Variants in AFF2 observed in about 807,000 individuals in gnomAD.
AFF2 encodes the protein ALF transcription elongation factor 2.
A neutral mutation model predicts 76.9 loss-of-function variants in AFF2; 14 were observed. The observed-to-expected ratio is 0.18, with a 90% confidence interval of 0.12 to 0.28. AFF2 has a LOEUF of 0.28. Among genes scored for constraint, AFF2 ranks in the 10% least tolerant of loss-of-function variants. The probability of loss-of-function intolerance (pLI) is 1.00; values close to 1 mark genes in which losing one functional copy is unlikely to be tolerated. For missense variants in AFF2, 868 were observed against 1,001.1 expected (o/e 0.87, Z 1.79); for synonymous variants, 398 against 366.7 (o/e 1.09, Z -0.98).
rs147911502 is a variant in AFF2, at chrX:148,689,054, A to G, written c.1041+26286A>G. ...TGTGTGGTTTAAGCAAAAGAAACAC[A>G]TTTTCTCCCAGCTCTGGAAGCTAGA... On this transcript the variant is annotated intron_variant, in intron 3 of 20. Transcript: ENST00000370460. Among the ~76,000 whole-genome samples the G allele has an allele frequency of 9.6e-3, 1,076 of 111,668 alleles. 15 individuals are homozygous for G. The highest frequency in any genetic ancestry group is 0.034 in the African/African-American group (1,043 of 30,703).
At chrX:148,636,546 G>A (rs1356329680) in intron 1 of AFF2, among the ~76,000 whole-genome samples, 6 of 112,263 alleles carry the variant, frequency 5.3e-5, no homozygotes, top group Non-Finnish European at 7.5e-5. Context: ...CAAAGCATAC[G>A]AATGGTGAGT....
chrX:148,614,596 CCCTT>C (rs1439604282), intron 1 of AFF2, among the ~76,000 whole-genome samples: 1 of 108,564 alleles, frequency 9.2e-6, no homozygotes. Context: ...TTCCCTCCCT[CCCTT>C]CTCTTTCTTT....
At chrX:148,528,969 T>C (rs1162362160) in intron 1 of AFF2, among the ~76,000 whole-genome samples, 1 of 111,863 alleles carries the variant, frequency 8.9e-6, no homozygotes, top group African/African-American at 3.2e-5. Context: ...GGATAAGTTA[T>C]TTTAAAGATT....
intron 4 of AFF2, among the ~76,000 whole-genome samples, chrX:148,813,871 C>T (rs1322847773): frequency 1.8e-5 from 2 of 112,231 alleles, no homozygotes; most frequent in Admixed American, 9.5e-5. Context: ...AACTAGAATT[C>T]ACTGGCCTAC....
At chrX:148,920,318 T>C (rs1387989745) in intron 9 of AFF2, among the ~76,000 whole-genome samples, 1 of 111,987 alleles carries the variant, frequency 8.9e-6, no homozygotes, top group Non-Finnish European at 1.9e-5. Context: ...TAGTTTATCC[T>C]GACATACTAT....
chrX:148,839,887 G>T (rs1294751461), intron 5 of AFF2, among the ~76,000 whole-genome samples: 1 of 93,966 alleles, frequency 1.1e-5, no homozygotes, highest in African/African-American at 3.8e-5. Flanking sequence ...CATCTGTGTT[G>T]GGGCATGGTG....
rs1457715376 is a variant in AFF2, at chrX:148,904,333, AAG to A, written c.1397+79_1397+80del. On this transcript the variant is annotated intron_variant, in intron 9 of 20. Coordinates refer to ENST00000370460, the MANE Select transcript of AFF2 (RefSeq NM_002025.4). ...TGCATGTGAAAAAATAAGGTCATAAAAGAGACCTTGGATTTTGAGTTAATCTC... is the reference window on the plus strand; with the variant it reads ...TGCATGTGAAAAAATAAGGTCATAAAAGACCTTGGATTTTGAGTTAATCTC... 4.8e-6 allele frequency: 3 copies of A among 631,579 alleles called. No homozygotes were observed. In the East Asian group the frequency reaches 1.0e-4, roughly 22 times the overall value. 52.0% of individuals were successfully genotyped at this position (631,579 alleles called of 1,213,427 possible). A position where few individuals can be genotyped will look rare whatever the true frequency, so the allele number is the denominator to read the frequency against.
At chrX:148,777,260 C>G (rs1163118513) in intron 3 of AFF2, among the ~76,000 whole-genome samples, 1 of 111,708 alleles carries the variant, frequency 9.0e-6, no homozygotes, top group Admixed American at 9.5e-5. Context: ...TTACTGTAGC[C>G]TTGTAGTATA....
intron 1 of AFF2, among the ~76,000 whole-genome samples, chrX:148,629,144 C>T (rs1052293896): frequency 2.8e-5 from 3 of 108,355 alleles, no homozygotes; most frequent in Non-Finnish European, 3.8e-5. Flanking sequence ...GAATGATCAG[C>T]GAGGTTGAAG....
intron 1 of AFF2, among the ~76,000 whole-genome samples, chrX:148,589,658 C>A (rs6641439): frequency 1.8e-5 from 2 of 109,598 alleles, no homozygotes; most frequent in African/African-American, 6.6e-5. Flanking sequence ...GTATGTCACC[C>A]AAGTGGCTCT....
At chrX:148,652,508 A>G (rs12115917) in intron 2 of AFF2, among the ~76,000 whole-genome samples, 5,142 of 111,547 alleles carry the variant, frequency 0.046, 306 homozygotes, top group African/African-American at 0.16. Flanking sequence ...TCTTTTCCCA[A>G]TCAGTGTCAT....
At chrX:148,611,075 A>C (rs1351319555) in intron 1 of AFF2, among the ~76,000 whole-genome samples, 3 of 111,974 alleles carry the variant, frequency 2.7e-5, no homozygotes, top group Admixed American at 9.4e-5. Context: ...TAGCAGAGAC[A>C]TGAAAAACAG....
At chrX:148,894,259 T>G (rs2071255718) in intron 8 of AFF2, among the ~76,000 whole-genome samples, 1 of 111,692 alleles carries the variant, frequency 9.0e-6, no homozygotes, top group Non-Finnish European at 1.9e-5. Flanking sequence ...GGTTTAGGGC[T>G]CAAGAATGCT....
In AFF2 at chrX:148,952,223, G is replaced by A. The variant is rs140267101; in HGVS notation, c.1398-1357G>A. 3.0e-3 allele frequency among the ~76,000 whole-genome samples: 339 copies of A among 111,823 alleles called. 1 individual carries two copies. Among genetic ancestry groups the A allele is most frequent in the African/African-American group, 0.01 (322 of 30,759 alleles). ...ATGAACTCGTTTGGGTTCAGGCAAT[G>A]AATAAAGGTCTGTGCTCCTTGAGCT... On this transcript the variant is annotated intron_variant, in intron 9 of 20. Transcript: ENST00000370460.
At chrX:148,577,494 A>C (rs1275974413) in intron 1 of AFF2, among the ~76,000 whole-genome samples, 1 of 112,332 alleles carries the variant, frequency 8.9e-6, no homozygotes, top group Non-Finnish European at 1.9e-5. Context: ...AAGGCTCCCA[A>C]ACCTCTGCTT....
At chrX:148,621,024 C>G (rs1285765468) in intron 1 of AFF2, among the ~76,000 whole-genome samples, 1 of 111,641 alleles carries the variant, frequency 9.0e-6, no homozygotes, top group Non-Finnish European at 1.9e-5. Context: ...GCAGTGAATG[C>G]TTTATGAGCC....
At chrX:148,977,527 A>T (rs1040270231) in intron 16 of AFF2, among the ~76,000 whole-genome samples, 2 of 109,459 alleles carry the variant, frequency 1.8e-5, no homozygotes, top group Admixed American at 1.9e-4. Context: ...ACTGAACTGA[A>T]ACTGACATTC....
chrX:148,612,224 C>A (rs2053742090), intron 1 of AFF2, among the ~76,000 whole-genome samples: 1 of 111,672 alleles, frequency 9.0e-6, no homozygotes, highest in Non-Finnish European at 1.9e-5. Flanking sequence ...CCTAAGCCTC[C>A]GTCCATGTAT....
In AFF2 at chrX:148,681,610, GAAGAAAGA is replaced by G. The variant is rs370085084; in HGVS notation, c.1041+18859_1041+18866del. Among the ~76,000 whole-genome samples, 651 of 95,611 alleles carry G rather than the reference GAAGAAAGA, an allele frequency of 6.8e-3. 10 individuals carry two copies. The highest frequency in any genetic ancestry group is 0.024 in the African/African-American group (608 of 25,483). 83.0% of individuals were successfully genotyped at this position (95,611 alleles called of 115,157 possible). On this transcript the variant is annotated intron_variant, in intron 3 of 20. Transcript: ENST00000370460. ...AGAGAGAGAGAATGAAGAAAGGAAA[GAAGAAAGA>G]AAGAAAGAAAGAAAGAGAAGAGAAA...
Sources: allele counts gnomAD v4.1 joint callset (sites outside exome capture counted in the v4.1 genomes callset), GRCh38; gene constraint gnomAD v4.1.1; transcripts MANE v1.5; gene names NCBI Gene and HGNC (gene_info 2026-07-23, HGNC 2026-07-21).